ATXN7L1: variants seen among roughly 807,000 people sequenced by gnomAD.
The protein encoded by ATXN7L1 is ataxin-7-like protein 1.
A neutral mutation model predicts 70.8 loss-of-function variants in ATXN7L1; 15 were observed. The observed-to-expected ratio is 0.21, with a 90% CI of 0.14 to 0.33. ATXN7L1 has a LOEUF of 0.33. ATXN7L1 is among the 10% of genes least tolerant of loss of function. The probability of loss-of-function intolerance (pLI) is 1.00; values close to 1 mark genes in which losing one functional copy is unlikely to be tolerated. For missense variants in ATXN7L1, 975 were observed against 1,097.1 expected (o/e 0.89, Z 1.57); for synonymous variants, 440 against 445.1 (o/e 0.99, Z 0.14).
intron 3 of ATXN7L1, among the ~76,000 whole-genome samples, chr7:105,704,754 G>A (rs1792933460): frequency 6.6e-6 from 1 of 151,894 alleles, no homozygotes; most frequent in African/African-American, 2.4e-5. Context: ...GGGACTACAG[G>A]CATGTGCCAT....
chr7:105,742,398 AACAT>A (rs1380706023), intron 3 of ATXN7L1, among the ~76,000 whole-genome samples: 7 of 152,224 alleles, frequency 4.6e-5, no homozygotes, highest in Non-Finnish European at 1.0e-4. Flanking sequence ...CCTCAAGCTT[AACAT>A]ATGTGAGGCA....
At chr7:105,704,288 A>T (rs1792848483) in intron 3 of ATXN7L1, among the ~76,000 whole-genome samples, 1 of 152,216 alleles carries the variant, frequency 6.6e-6, no homozygotes, top group Admixed American at 6.5e-5. Flanking sequence ...CCCACAGGAA[A>T]TGTGTAATTT....
At chr7:105,788,787 CTTCAAGGACAGTTT>C (rs1197501618) in intron 2 of ATXN7L1, 79 bp from the exon 3 acceptor site, 81 of 1,175,740 alleles carry the variant, frequency 6.9e-5, no homozygotes, top group Non-Finnish European at 9.9e-5. Flanking sequence ...CTTGGAATTT[CTTCAAGGACAGTTT>C]TTCAAACACA....
chr7:105,819,672 C>T (rs1035725740), intron 2 of ATXN7L1: 24 of 942,822 alleles, frequency 2.5e-5, no homozygotes, highest in Non-Finnish European at 3.8e-5. Flanking sequence ...CCTCCGCAAG[C>T]AGATGAACAC....
At chr7:105,723,583 C>T (rs1795452419) in intron 3 of ATXN7L1, among the ~76,000 whole-genome samples, 1 of 152,106 alleles carries the variant, frequency 6.6e-6, no homozygotes, top group Non-Finnish European at 1.5e-5. Context: ...GGGAGAGAGG[C>T]CACAAAGAAT....
intron 2 of ATXN7L1, among the ~76,000 whole-genome samples, chr7:105,843,462 C>T (rs1813524357): frequency 6.6e-6 from 1 of 152,250 alleles, no homozygotes; most frequent in African/African-American, 2.4e-5. Context: ...GCCCCAAATG[C>T]CAGCCAATGG....
chr7:105,696,320 A>G (rs1284454161), intron 3 of ATXN7L1, among the ~76,000 whole-genome samples: 1 of 152,212 alleles, frequency 6.6e-6, no homozygotes, highest in Non-Finnish European at 1.5e-5. Context: ...TGGTAACCAG[A>G]GGACATTTGC....
intron 9 of ATXN7L1, among the ~76,000 whole-genome samples, chr7:105,619,684 T>C (rs1033930206): frequency 1.3e-5 from 2 of 150,548 alleles, no homozygotes; most frequent in Non-Finnish European, 3.0e-5. Context: ...TTCAAGTAGC[T>C]AGGATCATAA....
chr7:105,740,679 A>C (rs772918938), intron 3 of ATXN7L1, among the ~76,000 whole-genome samples: 3 of 152,010 alleles, frequency 2.0e-5, no homozygotes, highest in Middle Eastern at 3.2e-3. Context: ...TGAAATGGGC[A>C]TAACAACATC....
At chr7:105,774,721 T>C (rs1321995611) in intron 3 of ATXN7L1, among the ~76,000 whole-genome samples, 1 of 152,034 alleles carries the variant, frequency 6.6e-6, no homozygotes, top group Non-Finnish European at 1.5e-5. Flanking sequence ...TTAATGCGCT[T>C]TGGTTAAGAG....
intron 2 of ATXN7L1, among the ~76,000 whole-genome samples, chr7:105,805,989 G>C (rs937991257): frequency 1.3e-5 from 2 of 152,312 alleles, no homozygotes; most frequent in Admixed American, 1.3e-4. Context: ...GCTGGAACAA[G>C]GCTGGAGGTG....
At chr7:105,763,370 G>A (rs1205647966) in intron 3 of ATXN7L1, among the ~76,000 whole-genome samples, 1 of 152,224 alleles carries the variant, frequency 6.6e-6, no homozygotes, top group Non-Finnish European at 1.5e-5. Context: ...GGAGGGAGGA[G>A]CTCCCCAGGA....
chr7:105,839,197 G>T (rs571193076), intron 2 of ATXN7L1, among the ~76,000 whole-genome samples: 2 of 152,104 alleles, frequency 1.3e-5, no homozygotes, highest in South Asian at 2.1e-4. Flanking sequence ...TGGCTCAGCT[G>T]AGAGACGTTT....
intron 3 of ATXN7L1, among the ~76,000 whole-genome samples, chr7:105,771,491 G>A (rs145068852): frequency 6.6e-6 from 1 of 152,130 alleles, no homozygotes; most frequent in Non-Finnish European, 1.5e-5. Context: ...TCGGGAACTT[G>A]AGAGAGAGAT....
chr7:105,873,970 C>T (rs1310063799), intron 2 of ATXN7L1, among the ~76,000 whole-genome samples: 1 of 151,850 alleles, frequency 6.6e-6, no homozygotes, highest in East Asian at 1.9e-4. Context: ...ACTAAAAATA[C>T]AAAAATTAAC....
At chr7:105,769,111 C>T (rs1801653329) in intron 3 of ATXN7L1, among the ~76,000 whole-genome samples, 1 of 152,170 alleles carries the variant, frequency 6.6e-6, no homozygotes, top group African/African-American at 2.4e-5. Context: ...CCAGTTTCCG[C>T]CAGTGTACCT....
chr7:105,702,345 T>C (rs1792557840), intron 3 of ATXN7L1, among the ~76,000 whole-genome samples: 1 of 152,210 alleles, frequency 6.6e-6, no homozygotes, highest in African/African-American at 2.4e-5. Context: ...TTTGTTCTCT[T>C]TATTCTGTGC....
At chr7:105,809,404 C>T (rs1444014475) in intron 2 of ATXN7L1, among the ~76,000 whole-genome samples, 1 of 152,178 alleles carries the variant, frequency 6.6e-6, no homozygotes, top group Non-Finnish European at 1.5e-5. Flanking sequence ...TCCACGCCCA[C>T]TGAGCAGCAA....
intron 3 of ATXN7L1, among the ~76,000 whole-genome samples, chr7:105,728,436 G>A (rs1796156657): frequency 6.6e-6 from 1 of 152,176 alleles, no homozygotes; most frequent in South Asian, 2.1e-4. Flanking sequence ...TAAGCAAAGG[G>A]AGGGGACTAG....
Sources: allele counts gnomAD v4.1 joint callset (sites outside exome capture counted in the v4.1 genomes callset), GRCh38; gene constraint gnomAD v4.1.1; transcripts MANE v1.5; gene names NCBI Gene and HGNC (gene_info 2026-07-23, HGNC 2026-07-21).